Variants in ACBD5 observed in about 807,000 individuals in gnomAD.
ACBD5 encodes acyl-CoA binding domain containing 5.
Under a neutral mutation model 71.8 loss-of-function variants are expected in ACBD5, and 40 were observed. The observed-to-expected ratio is 0.56, with a 90% CI of 0.43 to 0.72. The LOEUF (loss-of-function observed/expected upper bound fraction) is 0.72, where lower values mean the gene tolerates loss of function less well. Ranked by LOEUF, ACBD5 falls within the 30% of genes least tolerant of loss-of-function variation. The probability of loss-of-function intolerance (pLI) is 0.00; values close to 1 mark genes in which losing one functional copy is unlikely to be tolerated. For missense variants in ACBD5, 559 were observed against 644.5 expected, an observed-to-expected ratio of 0.87 and a Z score of 1.44; for synonymous variants, 229 against 218.6, an observed-to-expected ratio of 1.05 and a Z score of -0.42.
chr10:27,210,043 A>G (rs557733283), intron 9 of ACBD5, among the ~76,000 whole-genome samples: 2 of 152,346 alleles, frequency 1.3e-5, no homozygotes, highest in African/African-American at 4.8e-5. Flanking sequence ...TTAAAGGATA[A>G]CAACTGGGTC....
chr10:27,202,969 C>CTTTTTTTTTTTT (rs775633178), intron 12 of ACBD5, among the ~76,000 whole-genome samples: 1 of 70,766 alleles, frequency 1.4e-5, no homozygotes, highest in Non-Finnish European at 2.4e-5. Flanking sequence ...TCTATATCCT[C>CTTTTTTTTTTTT]TTTTTTTTTT....
chr10:27,203,558 A>T (rs1235272956), intron 12 of ACBD5, among the ~76,000 whole-genome samples: 1 of 152,028 alleles, frequency 6.6e-6, no homozygotes. Flanking sequence ...GGCCAACATG[A>T]TGAAACTCCA....
At chr10:27,218,575 A>G (rs2061936495) in intron 6 of ACBD5, among the ~76,000 whole-genome samples, 1 of 138,596 alleles carries the variant, frequency 7.2e-6, no homozygotes, top group Non-Finnish European at 1.6e-5. Context: ...GGAAGGCAAA[A>G]CTAAGTTACA....
chr10:27,199,041 G>A lies in ACBD5; in HGVS notation c.1566-1599C>T, dbSNP rs146960431. On this transcript the variant is annotated intron_variant, in intron 12 of 12. Coordinates refer to ENST00000396271, the MANE Select transcript of ACBD5 (RefSeq NM_145698.5). ...GGAGAATCGCTTGAACCTGGGAGGC[G>A]GAGGTTGCAGTGAGCTGAGATCGGG... Among the ~76,000 whole-genome samples the A allele has an allele frequency of 5.0e-3, 757 of 151,728 alleles. 9 individuals are homozygous for A. The highest frequency in any genetic ancestry group is 0.017 in the African/African-American group (710 of 41,438).
At chr10:27,227,516 T>C (rs889232239) in intron 4 of ACBD5, among the ~76,000 whole-genome samples, 1 of 152,066 alleles carries the variant, frequency 6.6e-6, no homozygotes, top group African/African-American at 2.4e-5. Flanking sequence ...CTGAGTATGC[T>C]GATCACTAGA....
intron 10 of ACBD5, 65 bp from the exon 11 acceptor site, chr10:27,205,313 C>T: frequency 3.9e-6 from 6 of 1,519,006 alleles, no homozygotes; most frequent in Non-Finnish European, 4.5e-6. Flanking sequence ...TATTCTATTT[C>T]CTATCTTTTT....
chr10:27,183,814 C>G (rs1489732362), intron 13 of ACBD5, among the ~76,000 whole-genome samples: 2 of 151,846 alleles, frequency 1.3e-5, no homozygotes, highest in East Asian at 3.9e-4. Flanking sequence ...TGGGCTCAAG[C>G]AATTCTTCCA....
intron 11 of ACBD5, 109 bp from the exon 12 acceptor site, chr10:27,204,658 A>G: frequency 1.3e-6 from 1 of 762,512 alleles, no homozygotes; most frequent in Admixed American, 2.0e-5. Flanking sequence ...TTAGTAACAA[A>G]TCTCACTCCT....
chr10:27,226,527 C>A (rs1010577377), intron 4 of ACBD5, among the ~76,000 whole-genome samples: 3 of 151,370 alleles, frequency 2.0e-5, no homozygotes, highest in Admixed American at 6.6e-5. Context: ...TAACTACTAC[C>A]TACCCTCAGA....
rs56406048 is a variant in ACBD5 at position 27,227,009 on chromosome 10, A to ATTTTTTTT, written c.376-3565_376-3558dup. On this transcript the variant is annotated intron_variant, in intron 4 of 12. Coordinates refer to ENST00000396271, the MANE Select transcript of ACBD5 (RefSeq NM_145698.5). ...TTAAAACATTCTGATTTTTTTTGCG[A>ATTTTTTTT]TTTTTTTTTTTTTTTTTTTTTTTAG... Among the ~76,000 whole-genome samples the ATTTTTTTT allele has an allele frequency of 3.5e-3, 277 of 78,390 alleles. 29 individuals are homozygous for ATTTTTTTT. The highest frequency in any genetic ancestry group is 6.6e-3 in the South Asian group (13 of 1,980). 51.4% of individuals were successfully genotyped at this position (78,390 alleles called of 152,430 possible). A position where few individuals can be genotyped will look rare whatever the true frequency, so the allele number is the denominator to read the frequency against.
At chr10:27,194,633 T>TAAG (rs755801066), downstream of ACBD5, among the ~76,000 whole-genome samples, 5,863 of 144,988 alleles carry the variant, frequency 0.04, 417 homozygotes, top group African/African-American at 0.15. Context: ...ATAATAATAA[T>TAAG]AATAATAATA....
chr10:27,209,964 G>A (rs1445258022), intron 9 of ACBD5, among the ~76,000 whole-genome samples: 1 of 152,118 alleles, frequency 6.6e-6, no homozygotes, highest in African/African-American at 2.4e-5. Flanking sequence ...GAATGGTTTT[G>A]TATGTAAATA....
At chr10:27,222,430 A>T (rs1478920028) in intron 5 of ACBD5, among the ~76,000 whole-genome samples, 2 of 151,288 alleles carry the variant, frequency 1.3e-5, no homozygotes, top group East Asian at 3.9e-4. Context: ...AAAAAAATAG[A>T]AGTTGTAATC....
At chr10:27,198,443 A>T (rs375111579) in intron 12 of ACBD5, among the ~76,000 whole-genome samples, 2 of 152,202 alleles carry the variant, frequency 1.3e-5, no homozygotes, top group East Asian at 3.8e-4. Flanking sequence ...AACTCTCATA[A>T]CAGATTGATT....
At chr10:27,239,747 T>G (rs1017032915) in intron 2 of ACBD5, among the ~76,000 whole-genome samples, 1 of 151,726 alleles carries the variant, frequency 6.6e-6, no homozygotes, top group South Asian at 2.1e-4. Flanking sequence ...TTTTGTTTGT[T>G]TGTTTGTTTG....
chr10:27,194,414 C>A (rs2136395939), downstream of ACBD5, among the ~76,000 whole-genome samples: 1 of 149,764 alleles, frequency 6.7e-6, no homozygotes, highest in African/African-American at 2.5e-5. Context: ...AGTTCAAGAC[C>A]AGCCTAGCCA....
At chr10:27,207,573 C>T (rs1479948528) in intron 10 of ACBD5, among the ~76,000 whole-genome samples, 1 of 152,146 alleles carries the variant, frequency 6.6e-6, no homozygotes, top group Non-Finnish European at 1.5e-5. Flanking sequence ...CTAGGTCAGA[C>T]AGTCAATGCT....
Position 27,240,468 on chromosome 10 carries a change from C to G in ACBD5, c.32G>C (p.Trp11Ser). 1 of 1,611,734 alleles carries G rather than the reference C, an allele frequency of 6.2e-7. No individual in the cohort carries two copies. The change falls in exon 2 of 13, where the codon TGG becomes TCG. Residue 11 changes from tryptophan (W) to serine (S), a missense_variant. Trp to Ser is a radical substitution (Grantham distance 177). Coordinates refer to ENST00000396271, the MANE Select transcript of ACBD5 (RefSeq NM_145698.5). This position sits in a 1 kb window ranked among gnomAD's most constrained non-coding sequence, Gnocchi z 4.1. Reference protein sequence around the residue: MLFLSFHAGSWESWCCCCLIP... With the variant: MLFLSFHAGSSESWCCCCLIP... ...CAGGCAGCAGCAGCACCAGCTTTCC[C>G]AAGAGCCTGCATGAAACTGGAACAT...
intron 2 of ACBD5, among the ~76,000 whole-genome samples, chr10:27,239,185 G>C (rs1433975137): frequency 6.6e-6 from 1 of 152,044 alleles, no homozygotes; most frequent in Admixed American, 6.6e-5. Flanking sequence ...CAACAAGAGC[G>C]GAACTCCATC....
Sources: allele counts gnomAD v4.1 joint callset (sites outside exome capture counted in the v4.1 genomes callset), GRCh38; gene constraint gnomAD v4.1.1; non-coding constraint Gnocchi (gnomAD v3.1); transcripts MANE v1.5; gene names NCBI Gene and HGNC (gene_info 2026-07-23, HGNC 2026-07-21).